Variants in BIN3 observed in about 807,000 individuals in gnomAD.
The protein encoded by BIN3 is bridging integrator 3.
A neutral mutation model predicts 38.2 loss-of-function variants in BIN3; 41 were observed. The ratio of observed to expected loss-of-function variants is 1.07; its 90% CI spans 0.84 to 1.39. BIN3 has a LOEUF of 1.39. BIN3 is among the 40% of genes most tolerant of loss of function. The pLI is 0.00. For missense variants in BIN3, 361 were observed against 324.3 expected (o/e 1.11, Z -0.87); for synonymous variants, 145 against 122.6 (o/e 1.18, Z -1.21).
At chr8:22,653,943 G>T (rs1802980313) in intron 1 of BIN3, among the ~76,000 whole-genome samples, 1 of 145,568 alleles carries the variant, frequency 6.9e-6, no homozygotes, top group Non-Finnish European at 1.5e-5. Flanking sequence ...GTGGGGTGGG[G>T]ACAGTCTCCC....
chr8:22,667,056 G>C lies in BIN3; in HGVS notation c.8+1988C>G, dbSNP rs147271133. Among the ~76,000 whole-genome samples, 4 of 152,312 alleles carry C rather than the reference G, an allele frequency of 2.6e-5. No individual in the cohort carries two copies. In the East Asian group the frequency reaches 7.7e-4, roughly 29 times the overall value. Reference sequence around the variant, plus strand: ...GCGCCGGTGCTGTTCCCGTCTTTGAGAGACAGGGTCAGGGTCCACGCAAGA... The same window carrying C: ...GCGCCGGTGCTGTTCCCGTCTTTGACAGACAGGGTCAGGGTCCACGCAAGA... On this transcript the variant is annotated intron_variant, in intron 1 of 8. Transcript: ENST00000276416.
At chr8:22,629,455 C>T (rs947296262) in intron 6 of BIN3, among the ~76,000 whole-genome samples, 4 of 152,240 alleles carry the variant, frequency 2.6e-5, no homozygotes, top group Admixed American at 2.6e-4. Context: ...ATTCCTGACC[C>T]CAACAGGTCA....
rs563527339 is a variant in BIN3, at chr8:22,623,975, G to C, written c.555C>G (p.Arg185=). The change falls in exon 8 of 9, where the codon CGC becomes CGG. Residue 185 remains arginine (R), a synonymous_variant. Coordinates refer to ENST00000276416, the MANE Select transcript of BIN3 (RefSeq NM_018688.6). ...AGTAGTCGAGGCGGCTGCCGTAGAAGCGCGGCATCTCCTCCAGCAGCTGCC... is the reference window on the plus strand; with the variant it reads ...AGTAGTCGAGGCGGCTGCCGTAGAACCGCGGCATCTCCTCCAGCAGCTGCC... ...KNRQLLEEMP[R]FYGSRLDYFQ... 3.8e-4 allele frequency: 612 copies of C among 1,612,420 alleles called. 5 individuals carry two copies. The South Asian group carries it at 5.9e-3, about 15-fold the overall frequency.
intron 6 of BIN3, among the ~76,000 whole-genome samples, chr8:22,629,063 G>A (rs1308918612): frequency 3.3e-5 from 5 of 152,206 alleles, no homozygotes; most frequent in African/African-American, 4.8e-5. Context: ...AGGGTCAGGC[G>A]GGCCTTTTCC....
intron 1 of BIN3, among the ~76,000 whole-genome samples, chr8:22,656,081 C>T (rs999826278): frequency 1.3e-5 from 2 of 152,120 alleles, no homozygotes; most frequent in African/African-American, 2.4e-5. Flanking sequence ...CACCCCCACA[C>T]CTAAAAACCC....
In BIN3 at chr8:22,621,324, C is replaced by G; in HGVS notation, c.*98G>C. 6.8e-7 allele frequency: 1 copy of G among 1,462,876 alleles called. No homozygotes were observed. Among genetic ancestry groups the G allele is most frequent in the Non-Finnish European group, 9.1e-7 (1 of 1,094,322 alleles). 90.6% of individuals were successfully genotyped at this position (1,462,876 alleles called of 1,614,324 possible). On this transcript the variant is annotated 3_prime_UTR_variant, in exon 9 of 9. Transcript: ENST00000276416. ...GGGCCGGCAAGTGAACCAGGGCCACCTCTGTCCCCAGCCTGTGAGAGGAGC... is the reference window on the plus strand; with the variant it reads ...GGGCCGGCAAGTGAACCAGGGCCACGTCTGTCCCCAGCCTGTGAGAGGAGC...
intron 1 of BIN3, among the ~76,000 whole-genome samples, chr8:22,650,513 T>C (rs1239397229): frequency 6.6e-6 from 1 of 152,224 alleles, no homozygotes; most frequent in Non-Finnish European, 1.5e-5. Flanking sequence ...TTTACCTATA[T>C]TTACTTTATT....
chr8:22,644,880 G>T, intron 1 of BIN3, 77 bp from the exon 2 acceptor site: 1 of 1,328,532 alleles, frequency 7.5e-7, no homozygotes, highest in Non-Finnish European at 1.1e-6. Flanking sequence ...TACAGTACAG[G>T]CCACTTTCCC....
intron 2 of BIN3, among the ~76,000 whole-genome samples, chr8:22,640,107 C>G (rs1044162696): frequency 5.3e-5 from 8 of 152,156 alleles, no homozygotes; most frequent in Admixed American, 2.6e-4. Context: ...GGTGATCCCC[C>G]CCGCCTCGGC....
At chr8:22,635,271 T>C (rs1044282995) in intron 4 of BIN3, among the ~76,000 whole-genome samples, 1 of 152,206 alleles carries the variant, frequency 6.6e-6, no homozygotes, top group African/African-American at 2.4e-5. Context: ...TGTCATTATA[T>C]ACCGATCCGC....
At chr8:22,632,314 T>C (rs1395841910) in intron 4 of BIN3, among the ~76,000 whole-genome samples, 1 of 152,110 alleles carries the variant, frequency 6.6e-6, no homozygotes, top group Non-Finnish European at 1.5e-5. Context: ...CCAGGCCCCT[T>C]CACCAGTCAG....
At position 22,663,204 on chromosome 8, in the gene BIN3, A is replaced by G. The variant is rs931893430; in HGVS notation, c.8+5840T>C. 1.3e-4 allele frequency among the ~76,000 whole-genome samples: 12 copies of G among 90,636 alleles called. No homozygotes were observed. In the East Asian group the frequency reaches 3.5e-3, roughly 27 times the overall value. 59.5% of individuals were successfully genotyped at this position (90,636 alleles called of 152,430 possible). The stretch of plus-strand genomic sequence containing the variant: ...ACTGTGTCAAACTTTTATTTCAAGT[A>G]TAAGTGTGTGTGTGTGTGTGTGTGT... On this transcript the variant is annotated intron_variant, in intron 1 of 8. Coordinates refer to ENST00000276416, the MANE Select transcript of BIN3 (RefSeq NM_018688.6).
chr8:22,646,790 C>G (rs1802726121), intron 1 of BIN3, among the ~76,000 whole-genome samples: 1 of 152,206 alleles, frequency 6.6e-6, no homozygotes, highest in Non-Finnish European at 1.5e-5. Context: ...TCCCCACACC[C>G]TGGTTACTTT....
chr8:22,635,449 G>C lies in BIN3; in HGVS notation c.160+1076C>G, dbSNP rs552598120. 9.2e-5 allele frequency among the ~76,000 whole-genome samples: 14 copies of C among 152,048 alleles called. 1 individual carries two copies. Among genetic ancestry groups the C allele is most frequent in the Admixed American group, 7.9e-4 (12 of 15,256 alleles). ...ATACCCAAGTCTCTTTCAGGTCCTCGTCCCAGTGTGGTATATAGACACGGC... is the reference window on the plus strand; with the variant it reads ...ATACCCAAGTCTCTTTCAGGTCCTCCTCCCAGTGTGGTATATAGACACGGC... On this transcript the variant is annotated intron_variant, in intron 4 of 8. Transcript: ENST00000276416.
chr8:22,658,564 G>A (rs1803132580), intron 1 of BIN3, among the ~76,000 whole-genome samples: 1 of 152,214 alleles, frequency 6.6e-6, no homozygotes, highest in Non-Finnish European at 1.5e-5. Context: ...TGCAGAGGCA[G>A]AGATAAAAGG....
chr8:22,654,019 A>G (rs1214809272), intron 1 of BIN3, among the ~76,000 whole-genome samples: 1 of 152,176 alleles, frequency 6.6e-6, no homozygotes, highest in African/African-American at 2.4e-5. Context: ...AATCACCCTG[A>G]TCTCAGCCCT....
At chr8:22,640,991 C>T (rs139941090) in intron 2 of BIN3, among the ~76,000 whole-genome samples, 93 of 152,306 alleles carry the variant, frequency 6.1e-4, no homozygotes, top group African/African-American at 2.2e-3. Context: ...GCTTCTCTAG[C>T]TCACTGGTCC....
intron 6 of BIN3, among the ~76,000 whole-genome samples, chr8:22,627,552 C>G (rs1388897928): frequency 7.9e-5 from 12 of 152,134 alleles, no homozygotes; most frequent in Admixed American, 7.9e-4. Context: ...CCCTGGGACC[C>G]CACAGAGGCC....
rs1802162010 is a variant in BIN3, at chr8:22,630,564, C to A, written c.175G>T (p.Ala59Ser). ...AGTAAGTCCAAGGATATCTTCACGG[C>A]AGATTTTGACATGGCTGTGGGAAGC... ...TDADLAMSKS[A>S]VKISLDLLSN... The change falls in exon 5 of 9, where the codon GCC (alanine) becomes TCC (serine). Residue 59 changes from alanine (A) to serine (S), a missense_variant. By Grantham distance (99) the Ala-to-Ser change is moderately conservative. Coordinates refer to ENST00000276416, the MANE Select transcript of BIN3 (RefSeq NM_018688.6). The A allele has an allele frequency of 6.2e-7, 1 of 1,613,928 alleles. No individual in the cohort carries two copies. Among genetic ancestry groups the A allele is most frequent in the Non-Finnish European group, 8.5e-7 (1 of 1,179,836 alleles).
Sources: gnomAD v4.1 joint callset for allele counts (sites outside exome capture counted in the v4.1 genomes callset) on GRCh38, gnomAD v4.1.1 for gene constraint, MANE v1.5 for transcripts, NCBI Gene and HGNC (gene_info 2026-07-23, HGNC 2026-07-21) for gene names.